Variants in FMN1 observed in about 807,000 individuals in gnomAD.
FMN1 encodes formin-1.
A neutral mutation model predicts 132.4 loss-of-function variants in FMN1; 110 were observed. That is an observed-to-expected ratio of 0.83 (90% CI 0.71 to 0.97). The LOEUF (loss-of-function observed/expected upper bound fraction) is 0.97, where lower values mean the gene tolerates loss of function less well. Among genes scored for constraint, FMN1 ranks in the 50% least tolerant of loss-of-function variants. The pLI, the probability that FMN1 is intolerant of heterozygous loss-of-function variation, is 0.00. For synonymous variants in FMN1, 722 were observed against 651.7 expected (o/e 1.11, Z -1.64); for missense variants, 1,792 against 1,705.3 (o/e 1.05, Z -0.90).
intron 4 of FMN1, among the ~76,000 whole-genome samples, chr15:33,132,361 G>T (rs985410102): frequency 6.6e-6 from 1 of 152,130 alleles, no homozygotes; most frequent in South Asian, 2.1e-4. Flanking sequence ...CTTTCAAGAT[G>T]AAAGAATCAG....
At chr15:32,865,165 T>C (rs1251451713) in intron 16 of FMN1, among the ~76,000 whole-genome samples, 1 of 152,046 alleles carries the variant, frequency 6.6e-6, no homozygotes, top group Non-Finnish European at 1.5e-5. Context: ...CCTTTTGGAG[T>C]AATAAAAATT....
At chr15:32,898,695 C>T (rs1040772671) in intron 15 of FMN1, 139 bp downstream of exon 15, 2 of 575,130 alleles carry the variant, frequency 3.5e-6, no homozygotes, top group Non-Finnish European at 3.1e-6. Flanking sequence ...TTTCAGTGTG[C>T]TCATCTGTAA....
chr15:32,783,784 A>AG lies in FMN1; in HGVS notation c.4131-6866_4131-6865insC, dbSNP rs1491184174. ...AAAAAAAAAAAAAAAAAAAAAAAAAATAGTTGAAGTGGCGTGGCTTTCCAT... is the reference window on the plus strand; with the variant it reads ...AAAAAAAAAAAAAAAAAAAAAAAAAAGTAGTTGAAGTGGCGTGGCTTTCCAT... On this transcript the variant is annotated intron_variant, in intron 19 of 20. Coordinates refer to ENST00000616417, the MANE Select transcript of FMN1 (RefSeq NM_001277313.2). Among the ~76,000 whole-genome samples the AG allele has an allele frequency of 5.5e-3, 586 of 105,852 alleles. 219 individuals carry two copies. Among genetic ancestry groups the AG allele is most frequent in the Non-Finnish European group, 7.8e-3 (405 of 51,754 alleles). The allele number at this position is 105,852 out of a possible 152,430, so 69.4% of individuals were successfully genotyped here. A position where few individuals can be genotyped will look rare whatever the true frequency, so the allele number is the denominator to read the frequency against.
intron 14 of FMN1, 162 bp downstream of exon 14, chr15:32,899,817 G>T (rs933867134): frequency 5.6e-6 from 4 of 716,812 alleles, no homozygotes; most frequent in Admixed American, 2.6e-5. Flanking sequence ...CTCTTTATTC[G>T]AAAGTGAAAA....
intron 16 of FMN1, among the ~76,000 whole-genome samples, chr15:32,870,462 A>T (rs2059489234): frequency 6.6e-6 from 1 of 152,220 alleles, no homozygotes; most frequent in Admixed American, 6.5e-5. Context: ...AGTATTCTCC[A>T]TGAAAAAATT....
intron 16 of FMN1, among the ~76,000 whole-genome samples, chr15:32,869,757 T>A (rs1303894333): frequency 2.0e-5 from 3 of 152,100 alleles, no homozygotes; most frequent in Non-Finnish European, 2.9e-5. Flanking sequence ...TGGAGTTACA[T>A]GACCTGAGAA....
At chr15:32,964,389 G>T in intron 8 of FMN1, 132 bp from the exon 9 acceptor site, 1 of 651,766 alleles carries the variant, frequency 1.5e-6, no homozygotes. Flanking sequence ...ATAATGCTTG[G>T]AGAAAAGCTT....
chr15:32,784,028 C>T (rs915375456), intron 19 of FMN1, among the ~76,000 whole-genome samples: 1 of 152,118 alleles, frequency 6.6e-6, no homozygotes, highest in Non-Finnish European at 1.5e-5. Context: ...ATACTGAAAT[C>T]ATTATGAAGT....
chr15:33,050,657 A>G (rs2036925856), intron 6 of FMN1, among the ~76,000 whole-genome samples: 1 of 152,258 alleles, frequency 6.6e-6, no homozygotes, highest in Non-Finnish European at 1.5e-5. Context: ...TAATATTCTG[A>G]GAGGCCAACT....
intron 4 of FMN1, among the ~76,000 whole-genome samples, chr15:33,104,573 A>G (rs796862864): frequency 2.0e-5 from 3 of 152,194 alleles, no homozygotes; most frequent in African/African-American, 7.2e-5. Context: ...TGAACCTAAG[A>G]TAGCGCCAGT....
At chr15:32,797,250 TC>T (rs1843224298) in intron 19 of FMN1, among the ~76,000 whole-genome samples, 2 of 152,198 alleles carry the variant, frequency 1.3e-5, no homozygotes, top group African/African-American at 4.8e-5. Flanking sequence ...TCTCTGTTGG[TC>T]TTTTGTTTGT....
intron 2 of FMN1, among the ~76,000 whole-genome samples, chr15:33,190,374 T>C (rs1420111567): frequency 4.6e-5 from 7 of 152,190 alleles, no homozygotes; most frequent in African/African-American, 1.2e-4. Context: ...TGTGCAAATA[T>C]TAAGGTTTTG....
At chr15:32,966,538 A>T (rs17816567) in intron 8 of FMN1, among the ~76,000 whole-genome samples, 3,240 of 152,268 alleles carry the variant, frequency 0.021, 60 homozygotes, top group Non-Finnish European at 0.031. Flanking sequence ...AGAAGCTGAA[A>T]AGGTAGTTAG....
intron 20 of FMN1, among the ~76,000 whole-genome samples, chr15:32,776,560 G>A (rs2056423879): frequency 6.6e-6 from 1 of 152,160 alleles, no homozygotes; most frequent in Admixed American, 6.5e-5. Context: ...AAGGGTGACT[G>A]TACTGCGGGT....
chr15:33,054,923 G>C (rs1000202198), intron 6 of FMN1, among the ~76,000 whole-genome samples: 2 of 152,168 alleles, frequency 1.3e-5, no homozygotes, highest in African/African-American at 4.8e-5. Flanking sequence ...TATCATAACT[G>C]ATTACAGAGT....
At chr15:33,027,864 C>A (rs980796273) in intron 6 of FMN1, among the ~76,000 whole-genome samples, 2 of 152,120 alleles carry the variant, frequency 1.3e-5, no homozygotes, top group African/African-American at 4.8e-5. Context: ...TGATTCACAG[C>A]CAAAATACAG....
chr15:33,075,884 T>A (rs1256534496), intron 5 of FMN1, among the ~76,000 whole-genome samples: 1 of 152,230 alleles, frequency 6.6e-6, no homozygotes, highest in Non-Finnish European at 1.5e-5. Flanking sequence ...TTCATTAGAC[T>A]TCAAAAGTGC....
intron 5 of FMN1, among the ~76,000 whole-genome samples, chr15:33,088,518 TGA>T (rs1328524837): frequency 6.6e-6 from 1 of 152,190 alleles, no homozygotes; most frequent in Non-Finnish European, 1.5e-5. Flanking sequence ...ACTCCCACAA[TGA>T]GAGATCTAGG....
At chr15:33,037,135 ATAAAT>A (rs1176852474) in intron 6 of FMN1, among the ~76,000 whole-genome samples, 1 of 152,228 alleles carries the variant, frequency 6.6e-6, no homozygotes, top group Non-Finnish European at 1.5e-5. Flanking sequence ...ATCAAATAAA[ATAAAT>A]TAACAGAACT....
Sources: allele counts gnomAD v4.1 joint callset (sites outside exome capture counted in the v4.1 genomes callset), GRCh38; gene constraint gnomAD v4.1.1; transcripts MANE v1.5; gene names NCBI Gene and HGNC (gene_info 2026-07-23, HGNC 2026-07-21).